MCOLN2: variants seen among roughly 807,000 people sequenced by gnomAD.
The protein encoded by MCOLN2 is mucolipin TRP cation channel 2.
Under a neutral mutation model 67.5 loss-of-function variants are expected in MCOLN2, and 57 were observed. The ratio of observed to expected loss-of-function variants is 0.84; its 90% CI spans 0.68 to 1.05. The LOEUF (loss-of-function observed/expected upper bound fraction) is 1.05, where lower values mean the gene tolerates loss of function less well. Ranked by LOEUF, MCOLN2 falls within the 50% of genes least tolerant of loss-of-function variation. MCOLN2 has a pLI of 0.00. For missense variants in MCOLN2, 620 were observed against 678.8 expected (o/e 0.91, Z 0.96); for synonymous variants, 246 against 233.3 (o/e 1.05, Z -0.50).
chr1:84,935,699 A>G (rs1206216196), intron 11 of MCOLN2, among the ~76,000 whole-genome samples: 1 of 152,196 alleles, frequency 6.6e-6, no homozygotes, highest in Non-Finnish European at 1.5e-5. Context: ...AAAATTTTAC[A>G]GTATAGGCAA....
intron 3 of MCOLN2, among the ~76,000 whole-genome samples, chr1:84,957,278 C>T (rs761054830): frequency 6.6e-6 from 1 of 152,154 alleles, no homozygotes; most frequent in Admixed American, 6.5e-5. Flanking sequence ...CCACACTCCA[C>T]AGCTTACATC....
At chr1:84,987,791 T>C (rs1650694758) in intron 1 of MCOLN2, among the ~76,000 whole-genome samples, 1 of 151,610 alleles carries the variant, frequency 6.6e-6, no homozygotes, top group Admixed American at 6.6e-5. Flanking sequence ...CTGGAGACCA[T>C]TATTCTAAGT....
intron 1 of MCOLN2, among the ~76,000 whole-genome samples, chr1:84,989,016 T>C (rs1408977857): frequency 6.6e-6 from 1 of 152,230 alleles, no homozygotes; most frequent in African/African-American, 2.4e-5. Flanking sequence ...ACTCTATTAA[T>C]GTGGCCTTCC....
intron 6 of MCOLN2, among the ~76,000 whole-genome samples, chr1:84,949,008 C>T (rs618735): frequency 0.4 from 60,459 of 151,832 alleles, 14,312 homozygotes; most frequent in African/African-American, 0.67. Context: ...CAGGTGCCTG[C>T]AATCCCAGCC....
chr1:84,991,719 C>T (rs1650898842), intron 1 of MCOLN2, among the ~76,000 whole-genome samples: 1 of 152,188 alleles, frequency 6.6e-6, no homozygotes, highest in South Asian at 2.1e-4. Context: ...AAAATCACCT[C>T]TGATCACCAC....
intron 4 of MCOLN2, among the ~76,000 whole-genome samples, chr1:84,953,830 C>T (rs565287748): frequency 1.9e-4 from 29 of 152,272 alleles, no homozygotes; most frequent in Middle Eastern, 3.4e-3. Context: ...TAAAGACAAG[C>T]ACCTTTCAGG....
At chr1:84,928,146 T>C (rs1310702134) in intron 13 of MCOLN2, among the ~76,000 whole-genome samples, 4 of 152,236 alleles carry the variant, frequency 2.6e-5, no homozygotes, top group African/African-American at 7.2e-5. Context: ...TGGCCAAACA[T>C]AGTTACAGCT....
chr1:84,947,202 A>T (rs928589346), intron 6 of MCOLN2, 70 bp from the exon 7 acceptor site: 61 of 662,808 alleles, frequency 9.2e-5, no homozygotes, highest in Non-Finnish European at 1.4e-4. Flanking sequence ...AAATCTGCTT[A>T]AAAAAAAAAT....
intron 2 of MCOLN2, among the ~76,000 whole-genome samples, chr1:84,960,194 T>G (rs1007202144): frequency 4.6e-5 from 7 of 152,230 alleles, no homozygotes; most frequent in Admixed American, 4.6e-4. Context: ...AATTATTATA[T>G]GCCAGGTACT....
At chr1:84,957,026 G>A (rs1648831981) in intron 3 of MCOLN2, among the ~76,000 whole-genome samples, 1 of 152,034 alleles carries the variant, frequency 6.6e-6, no homozygotes, top group African/African-American at 2.4e-5. Flanking sequence ...CCTCAATGAG[G>A]CCTTCCCTCC....
chr1:84,958,670 C>T lies in MCOLN2; in HGVS notation c.270G>A (p.Val90=). 6.3e-7 allele frequency: 1 copy of T among 1,589,520 alleles called. No individual in the cohort carries two copies. Among genetic ancestry groups the T allele is most frequent in the Non-Finnish European group, 8.5e-7 (1 of 1,172,384 alleles). Residue 90 remains valine, a synonymous_variant, in exon 3 of 14, where the codon GTG becomes GTA. Transcript: ENST00000370608. ...LVRFGLSNQL[V]VAFKEDNTVA... is the part of the protein sequence containing the mutation. ...CAGTGTTATCTTCTTTGAAAGCAAC[C>T]ACCAGCTGGTTACTTAAACCAAAAC...
At chr1:84,944,653 A>C (rs1647994071) in intron 7 of MCOLN2, among the ~76,000 whole-genome samples, 1 of 152,214 alleles carries the variant, frequency 6.6e-6, no homozygotes, top group Admixed American at 6.5e-5. Context: ...TATATTTATG[A>C]AACCAAGTTA....
At chr1:84,996,393 CATATATATATATATATATATAT>C (rs6143310) in intron 1 of MCOLN2, among the ~76,000 whole-genome samples, 27 of 123,948 alleles carry the variant, frequency 2.2e-4, no homozygotes, top group African/African-American at 3.5e-4. Context: ...GTATATATTT[CATATATATATATATATATATAT>C]ATATATATAT....
chr1:84,948,546 T>G (rs534765068), intron 6 of MCOLN2, among the ~76,000 whole-genome samples: 1 of 152,086 alleles, frequency 6.6e-6, no homozygotes, highest in Non-Finnish European at 1.5e-5. Context: ...CAAGAAAACA[T>G]GGCACCCAAA....
chr1:84,993,619 CT>C lies in MCOLN2; in HGVS notation c.77+3176del, dbSNP rs869075778. On this transcript the variant is annotated intron_variant, in intron 1 of 13. Transcript: ENST00000370608. ...ACAAAATGTAGTTCTTAAATAATGT[CT>C]TTTTTTTTTTTTTTTTTTTTTGAGA... 2.9e-3 allele frequency among the ~76,000 whole-genome samples: 341 copies of C among 118,506 alleles called. 6 individuals carry two copies. Among genetic ancestry groups the C allele is most frequent in the African/African-American group, 6.9e-3 (216 of 31,342 alleles). 77.7% of individuals were successfully genotyped at this position (118,506 alleles called of 152,430 possible). A position where few individuals can be genotyped will look rare whatever the true frequency, so the allele number is the denominator to read the frequency against.
At chr1:84,955,695 G>A (rs1648745749) in intron 4 of MCOLN2, among the ~76,000 whole-genome samples, 1 of 152,158 alleles carries the variant, frequency 6.6e-6, no homozygotes, top group African/African-American at 2.4e-5. Flanking sequence ...CAGAAGCAGG[G>A]AGACCACAAG....
intron 13 of MCOLN2, among the ~76,000 whole-genome samples, chr1:84,927,553 C>T (rs1240373332): frequency 1.3e-5 from 2 of 152,168 alleles, no homozygotes; most frequent in East Asian, 1.9e-4. Flanking sequence ...AGGCTAGAGG[C>T]TCTGTCAAAA....
In MCOLN2 at chr1:84,931,503, T is replaced by G. The variant is rs1424265348; in HGVS notation, c.1401A>C (p.Ala467=). Residue 467 remains alanine, a synonymous_variant, in exon 12 of 14, where the codon GCA becomes GCC. Coordinates refer to ENST00000370608, the MANE Select transcript of MCOLN2 (RefSeq NM_153259.4). Reference sequence around the variant, plus strand: ...TCTTCTGCTGGATTTGGGCAAAGGTTGCAAACATGTCATCACCGTTGACCA... The same window carrying G: ...TCTTCTGCTGGATTTGGGCAAAGGTGGCAAACATGTCATCACCGTTGACCA... ...FSLVNGDDMF[A]TFAQIQQKSI... 6 of 1,613,938 alleles carry G rather than the reference T, an allele frequency of 3.7e-6. No individual in the cohort carries two copies. The highest frequency in any genetic ancestry group is 5.1e-6 in the Non-Finnish European group (6 of 1,179,992).
chr1:84,953,602 A>C (rs1035985187), intron 4 of MCOLN2, among the ~76,000 whole-genome samples: 4 of 152,108 alleles, frequency 2.6e-5, no homozygotes, highest in African/African-American at 9.7e-5. Context: ...TGAAGGCTAT[A>C]CAGGAAATAT....
Sources: allele counts gnomAD v4.1 joint callset (sites outside exome capture counted in the v4.1 genomes callset), GRCh38; gene constraint gnomAD v4.1.1; transcripts MANE v1.5; gene names NCBI Gene and HGNC (gene_info 2026-07-23, HGNC 2026-07-21).